Variants in PLGRKT observed in about 807,000 individuals in gnomAD.
The protein encoded by PLGRKT is plasminogen receptor (KT).
In PLGRKT, 22 loss-of-function variants were observed where a neutral mutation model predicts 18.5. That is an observed-to-expected ratio of 1.19 (90% confidence interval 0.85 to 1.70). The LOEUF is 1.70. Among genes scored for constraint, PLGRKT ranks in the 40% most tolerant of loss-of-function variants. The pLI, the probability that PLGRKT is intolerant of heterozygous loss-of-function variation, is 0.00. For synonymous variants in PLGRKT, 72 were observed against 52.8 expected, an observed-to-expected ratio of 1.36 and a Z score of -1.58; for missense variants, 235 against 174.4, an observed-to-expected ratio of 1.35 and a Z score of -1.96.
At chr9:5,391,316 G>A (rs895835747) in intron 3 of PLGRKT, among the ~76,000 whole-genome samples, 2 of 151,958 alleles carry the variant, frequency 1.3e-5, no homozygotes, top group African/African-American at 4.9e-5. Context: ...CAGCCAACAT[G>A]TCTTGAAAAC....
chr9:5,368,638 T>C (rs1484491165), intron 3 of PLGRKT, among the ~76,000 whole-genome samples: 3 of 152,130 alleles, frequency 2.0e-5, no homozygotes, highest in African/African-American at 7.2e-5. Flanking sequence ...GGTTCTATGC[T>C]CACCATTTGG....
chr9:5,377,932 T>C (rs1414228541), intron 3 of PLGRKT, among the ~76,000 whole-genome samples: 1 of 152,208 alleles, frequency 6.6e-6, no homozygotes, highest in East Asian at 1.9e-4. Flanking sequence ...GCAGTACCAC[T>C]GAGACCTGAA....
chr9:5,362,296 A>C (rs1413876946), intron 3 of PLGRKT, among the ~76,000 whole-genome samples: 2 of 152,200 alleles, frequency 1.3e-5, no homozygotes, highest in African/African-American at 4.8e-5. Flanking sequence ...TTCCAAATTG[A>C]AATTTATTTG....
chr9:5,415,016 G>C (rs1818432379), intron 3 of PLGRKT, among the ~76,000 whole-genome samples: 1 of 152,174 alleles, frequency 6.6e-6, no homozygotes, highest in Non-Finnish European at 1.5e-5. Context: ...CATCATAACA[G>C]TAAGCATACC....
chr9:5,392,331 T>A (rs562734385), intron 3 of PLGRKT: 1 of 151,942 alleles, frequency 6.6e-6, no homozygotes, highest in Non-Finnish European at 1.5e-5. Flanking sequence ...TGACAATCAG[T>A]CCCAGAGGAA....
chr9:5,402,112 C>A (rs567990519), intron 3 of PLGRKT, among the ~76,000 whole-genome samples: 1 of 151,916 alleles, frequency 6.6e-6, no homozygotes, highest in Non-Finnish European at 1.5e-5. Context: ...TTTAAATGTA[C>A]ATTTTTAGTG....
chr9:5,379,169 T>C (rs965999781), intron 3 of PLGRKT, among the ~76,000 whole-genome samples: 1 of 152,230 alleles, frequency 6.6e-6, no homozygotes, highest in Admixed American at 6.5e-5. Context: ...TTACAGATTT[T>C]CTATATGCCA....
At chr9:5,358,634 C>G (rs73639287) in intron 5 of PLGRKT, among the ~76,000 whole-genome samples, 1 of 152,090 alleles carries the variant, frequency 6.6e-6, no homozygotes, top group Non-Finnish European at 1.5e-5. Context: ...TTCCCTTGAA[C>G]CAAAGTCAGG....
chr9:5,405,533 G>T (rs961743794), intron 3 of PLGRKT, among the ~76,000 whole-genome samples: 26 of 152,180 alleles, frequency 1.7e-4, no homozygotes, highest in Admixed American at 6.5e-5. Context: ...TTAATAAATG[G>T]TGCTGAGAGA....
chr9:5,372,920 G>A (rs372543118), intron 3 of PLGRKT, among the ~76,000 whole-genome samples: 2 of 152,286 alleles, frequency 1.3e-5, no homozygotes, highest in African/African-American at 4.8e-5. Flanking sequence ...CAGAATTTGA[G>A]TGATTTTCCC....
intron 3 of PLGRKT, among the ~76,000 whole-genome samples, chr9:5,394,566 C>T (rs532923522): frequency 6.6e-6 from 1 of 151,882 alleles, no homozygotes; most frequent in Non-Finnish European, 1.5e-5. Flanking sequence ...GCGCCCACCA[C>T]CATGCCCGGC....
At chr9:5,370,511 T>C (rs1386897421) in intron 3 of PLGRKT, among the ~76,000 whole-genome samples, 1 of 152,192 alleles carries the variant, frequency 6.6e-6, no homozygotes, top group Non-Finnish European at 1.5e-5. Context: ...AACAAATCAG[T>C]TTACTACTAT....
intron 5 of PLGRKT, among the ~76,000 whole-genome samples, 169 bp from the exon 6 acceptor site, chr9:5,358,529 A>G (rs980796484): frequency 6.6e-5 from 10 of 152,158 alleles, no homozygotes; most frequent in South Asian, 4.1e-4. Flanking sequence ...CAGAGGAAAC[A>G]CAGTGATGAA....
At chr9:5,437,298 T>G (rs1027616115) in intron 1 of PLGRKT, among the ~76,000 whole-genome samples, 1 of 152,234 alleles carries the variant, frequency 6.6e-6, no homozygotes, top group Non-Finnish European at 1.5e-5. Flanking sequence ...ATTACCACGC[T>G]GACTTATTTC....
intron 3 of PLGRKT, among the ~76,000 whole-genome samples, chr9:5,377,594 T>C (rs1370170839): frequency 6.6e-6 from 1 of 152,112 alleles, no homozygotes; most frequent in African/African-American, 2.4e-5. Context: ...GCAGATGGGA[T>C]CAAAATGATG....
chr9:5,424,445 T>A (rs28694337), intron 3 of PLGRKT, among the ~76,000 whole-genome samples: 7 of 93,606 alleles, frequency 7.5e-5, no homozygotes, highest in South Asian at 2.8e-4. Context: ...ATAAAATATA[T>A]TATATATTAT....
intron 3 of PLGRKT, among the ~76,000 whole-genome samples, chr9:5,425,524 A>G (rs1249716605): frequency 2.0e-5 from 3 of 152,194 alleles, no homozygotes; most frequent in East Asian, 1.9e-4. Context: ...CTTGGTTTCT[A>G]TCTCCATTAT....
chr9:5,370,312 G>A (rs1418941376), intron 3 of PLGRKT, among the ~76,000 whole-genome samples: 10 of 151,950 alleles, frequency 6.6e-5, no homozygotes, highest in African/African-American at 1.2e-4. Context: ...TTATGTAAAG[G>A]TCCACAGACT....
chr9:5,433,118 G>T (rs966411001), intron 2 of PLGRKT, among the ~76,000 whole-genome samples: 1 of 139,934 alleles, frequency 7.1e-6, no homozygotes. Flanking sequence ...CACCCCGTCT[G>T]GGAAGAAGTG....
Sources: gnomAD v4.1 joint callset for allele counts (sites outside exome capture counted in the v4.1 genomes callset) on GRCh38, gnomAD v4.1.1 for gene constraint, MANE v1.5 for transcripts, NCBI Gene and HGNC (gene_info 2026-07-23, HGNC 2026-07-21) for gene names.